NCAPG2: variants seen among roughly 807,000 people sequenced by gnomAD.
NCAPG2 encodes the protein condensin-2 complex subunit G2.
A neutral mutation model predicts 141.1 loss-of-function variants in NCAPG2; 53 were observed. That is an observed-to-expected ratio of 0.38 (90% confidence interval 0.30 to 0.47). The LOEUF (loss-of-function observed/expected upper bound fraction) is 0.47, where lower values mean the gene tolerates loss of function less well. Among genes scored for constraint, NCAPG2 ranks in the 20% least tolerant of loss-of-function variants. The probability of loss-of-function intolerance (pLI) is 0.99; values close to 1 mark genes in which losing one functional copy is unlikely to be tolerated. For synonymous variants in NCAPG2, 499 were observed against 490.7 expected (o/e 1.02, Z -0.22); for missense variants, 1,087 against 1,389.0 (o/e 0.78, Z 3.46).
chr7:158,634,798 T>C (rs1419531068), intron 27 of NCAPG2, among the ~76,000 whole-genome samples: 3 of 152,164 alleles, frequency 2.0e-5, no homozygotes, highest in East Asian at 1.9e-4. Flanking sequence ...GAAGCAAGAA[T>C]TGAACACACT....
chr7:158,659,824 G>A (rs933019823), intron 16 of NCAPG2, among the ~76,000 whole-genome samples: 2 of 152,112 alleles, frequency 1.3e-5, no homozygotes, highest in Non-Finnish European at 2.9e-5. Flanking sequence ...AAAATGTCTT[G>A]TTAATGGCTG....
At chr7:158,690,993 A>G (rs1003833195) in intron 4 of NCAPG2, among the ~76,000 whole-genome samples, 6 of 152,316 alleles carry the variant, frequency 3.9e-5, no homozygotes, top group African/African-American at 1.4e-4. Flanking sequence ...GAGAAATCGT[A>G]TCACCAATTT....
chr7:158,665,376 C>G (rs1415751089), intron 13 of NCAPG2: 1 of 152,384 alleles, frequency 6.6e-6, no homozygotes, highest in African/African-American at 2.4e-5. Context: ...TTCGAACTAC[C>G]TACAGAAAGC....
In NCAPG2 at chr7:158,689,865, A is replaced by G. The variant is rs1291629837; in HGVS notation, c.626T>C (p.Met209Thr). 3.8e-6 allele frequency: 6 copies of G among 1,598,378 alleles called. No homozygotes were observed. The highest frequency in any genetic ancestry group is 4.3e-6 in the Non-Finnish European group (5 of 1,168,886). Residue 209 changes from methionine (M) to threonine (T), a missense_variant, in exon 6 of 28, where the codon ATG (methionine) becomes ACG (threonine). Physicochemically the swap from Met to Thr is moderately conservative, Grantham distance 81. Coordinates refer to ENST00000356309, the MANE Select transcript of NCAPG2 (RefSeq NM_017760.7). Reference sequence around the variant, plus strand: ...AATATTTATGAAGCACTCAAGTAACATATCTTTAATTTCTCCACTTTCCTC... The same window carrying G: ...AATATTTATGAAGCACTCAAGTAACGTATCTTTAATTTCTCCACTTTCCTC... ...DLEESGEIKD[M>T]LLECFININY...
intron 1 of NCAPG2, among the ~76,000 whole-genome samples, chr7:158,704,301 G>A (rs1836017170): frequency 6.9e-6 from 1 of 144,502 alleles, no homozygotes; most frequent in Non-Finnish European, 1.5e-5. Flanking sequence ...TCTGAGGGTA[G>A]TGCCCATGCC....
chr7:158,634,739 G>C (rs1830081271), intron 27 of NCAPG2, among the ~76,000 whole-genome samples: 1 of 152,084 alleles, frequency 6.6e-6, no homozygotes, highest in African/African-American at 2.4e-5. Context: ...TTTTTCTCCT[G>C]CTACTGGAAC....
chr7:158,677,177 C>T (rs1396550568), intron 11 of NCAPG2, among the ~76,000 whole-genome samples: 1 of 152,112 alleles, frequency 6.6e-6, no homozygotes, highest in Non-Finnish European at 1.5e-5. Context: ...GGAAGAGATA[C>T]TGGGCAACAG....
At chr7:158,695,215 T>C (rs1756321362) in intron 2 of NCAPG2, among the ~76,000 whole-genome samples, 1 of 152,084 alleles carries the variant, frequency 6.6e-6, no homozygotes. Context: ...ACCAGAGAAA[T>C]GACTGGGCTG....
At chr7:158,666,939 G>A (rs1279797337) in intron 13 of NCAPG2, among the ~76,000 whole-genome samples, 2 of 151,992 alleles carry the variant, frequency 1.3e-5, no homozygotes. Flanking sequence ...CCTCCACTGG[G>A]CCAGCACACC....
chr7:158,642,609 C>T (rs1038106555), intron 27 of NCAPG2, among the ~76,000 whole-genome samples: 6 of 151,628 alleles, frequency 4.0e-5, no homozygotes, highest in Non-Finnish European at 5.9e-5. Context: ...TTTTTTAATG[C>T]GGAATAAAGC....
chr7:158,659,993 TC>T (rs1386835191), intron 16 of NCAPG2, among the ~76,000 whole-genome samples: 1 of 151,268 alleles, frequency 6.6e-6, no homozygotes, highest in Non-Finnish European at 1.5e-5. Flanking sequence ...GCGCCTGTAG[TC>T]CCAGCTACTC....
chr7:158,638,003 G>A (rs1419096290), intron 27 of NCAPG2, among the ~76,000 whole-genome samples: 1 of 152,086 alleles, frequency 6.6e-6, no homozygotes, highest in African/African-American at 2.4e-5. Context: ...AATTAGCCGG[G>A]CATGGTGGCG....
intron 27 of NCAPG2, among the ~76,000 whole-genome samples, chr7:158,642,293 G>A (rs945491512): frequency 3.3e-5 from 5 of 152,182 alleles, no homozygotes; most frequent in Non-Finnish European, 1.5e-5. Flanking sequence ...ATCTCAGAAC[G>A]TTAGGAGGCC....
chr7:158,694,962 T>C (rs930758751), intron 2 of NCAPG2, among the ~76,000 whole-genome samples: 1 of 152,208 alleles, frequency 6.6e-6, no homozygotes, highest in African/African-American at 2.4e-5. Flanking sequence ...ATGTTTGACC[T>C]TAGACAGTAT....
chr7:158,656,085 A>G (rs903532939), intron 19 of NCAPG2, among the ~76,000 whole-genome samples, 175 bp downstream of exon 19: 17 of 152,198 alleles, frequency 1.1e-4, no homozygotes, highest in African/African-American at 3.6e-4. Flanking sequence ...TTGACTCCCA[A>G]CCTTGCCCTG....
chr7:158,685,302 G>A (rs997929503), intron 8 of NCAPG2, among the ~76,000 whole-genome samples: 1 of 152,144 alleles, frequency 6.6e-6, no homozygotes, highest in African/African-American at 2.4e-5. Flanking sequence ...ACTAAAAGAG[G>A]TGACTTGAAG....
At chr7:158,632,383 T>C (rs1440505496) in intron 27 of NCAPG2, among the ~76,000 whole-genome samples, 1 of 152,206 alleles carries the variant, frequency 6.6e-6, no homozygotes, top group Non-Finnish European at 1.5e-5. Flanking sequence ...TACACATATT[T>C]ACAAAGTGCG....
At position 158,669,768 on chromosome 7, in the gene NCAPG2, CAAAAAAAAAAAA is replaced by C. The variant is rs567875836; in HGVS notation, c.1479+1734_1479+1745del. On this transcript the variant is annotated intron_variant, in intron 13 of 27. Coordinates refer to ENST00000356309, the MANE Select transcript of NCAPG2 (RefSeq NM_017760.7). ...TGGGTGACAGAGCGAGACTCTGTCT[CAAAAAAAAAAAA>C]AAAAAAAAAAAAAAAATTGACATGC... is the stretch of plus-strand genomic sequence containing the variant. Among the ~76,000 whole-genome samples the C allele has an allele frequency of 3.2e-4, 17 of 53,680 alleles. No homozygotes were observed. The East Asian group carries it at 6.1e-3, about 19-fold the overall frequency. 35.2% of individuals were successfully genotyped at this position (53,680 alleles called of 152,430 possible).
At chr7:158,700,892 G>A (rs967726504) in intron 2 of NCAPG2, among the ~76,000 whole-genome samples, 1 of 152,172 alleles carries the variant, frequency 6.6e-6, no homozygotes, top group African/African-American at 2.4e-5. Flanking sequence ...ATGTGTCCTA[G>A]GCCCTTTTAT....
Sources: gnomAD v4.1 joint callset for allele counts (sites outside exome capture counted in the v4.1 genomes callset) on GRCh38, gnomAD v4.1.1 for gene constraint, MANE v1.5 for transcripts, NCBI Gene and HGNC (gene_info 2026-07-23, HGNC 2026-07-21) for gene names.